RELN: variants seen among roughly 807,000 people sequenced by gnomAD.
RELN encodes reelin.
A neutral mutation model predicts 427.6 loss-of-function variants in RELN; 108 were observed. That is an observed-to-expected ratio of 0.25 (90% CI 0.22 to 0.30). The LOEUF is 0.30. Ranked by LOEUF, RELN falls within the 10% of genes least tolerant of loss-of-function variation. The pLI is 1.00. For synonymous variants in RELN, 1,524 were observed against 1,513.4 expected (o/e 1.01, Z -0.16); for missense variants, 3,715 against 4,302.8 (o/e 0.86, Z 3.82).
chr7:103,491,573 A>T (rs997562551), intron 58 of RELN, among the ~76,000 whole-genome samples: 1 of 152,146 alleles, frequency 6.6e-6, no homozygotes, highest in African/African-American at 2.4e-5. Flanking sequence ...CTTAGCCTGT[A>T]ATTCCCAGCA....
At chr7:103,699,504 AT>A (rs1308668107) in intron 9 of RELN, among the ~76,000 whole-genome samples, 1 of 152,158 alleles carries the variant, frequency 6.6e-6, no homozygotes, top group African/African-American at 2.4e-5. Flanking sequence ...TGAAAGTACC[AT>A]TTAGTGAAAA....
chr7:103,797,071 G>T (rs1740448216), intron 3 of RELN, among the ~76,000 whole-genome samples: 1 of 151,760 alleles, frequency 6.6e-6, no homozygotes. Context: ...TTTTATTTGG[G>T]AGTCATTTTA....
At chr7:103,648,717 A>C (rs1336667096) in intron 16 of RELN, among the ~76,000 whole-genome samples, 2 of 152,054 alleles carry the variant, frequency 1.3e-5, no homozygotes, top group Non-Finnish European at 2.9e-5. Context: ...ATCCAGAATT[A>C]ACAGTGAACT....
At chr7:103,689,984 A>G (rs140534521) in intron 10 of RELN, among the ~76,000 whole-genome samples, 381 of 152,260 alleles carry the variant, frequency 2.5e-3, no homozygotes, top group Admixed American at 5.1e-3. Flanking sequence ...AAAACTGAAC[A>G]TTGAGCATCC....
intron 43 of RELN, 98 bp from the exon 44 acceptor site, chr7:103,540,553 G>A (rs1195034217): frequency 4.5e-6 from 5 of 1,112,822 alleles, no homozygotes; most frequent in Non-Finnish European, 6.7e-6. Context: ...GGAACGAAAG[G>A]CCTCAATAAA....
chr7:103,670,645 T>G (rs1482123269), intron 11 of RELN, among the ~76,000 whole-genome samples: 1 of 152,048 alleles, frequency 6.6e-6, no homozygotes, highest in Non-Finnish European at 1.5e-5. Flanking sequence ...GACTTTTACT[T>G]TGCTCATTTT....
Position 103,658,690 on chromosome 7 carries a change from A to AT in RELN, c.1441+2685dup, listed in dbSNP as rs200074189. 8.8e-4 allele frequency among the ~76,000 whole-genome samples: 133 copies of AT among 151,908 alleles called. No individual in the cohort carries two copies. The South Asian group carries it at 0.011, about 13-fold the overall frequency. ...AGCCATCCTCCTCTTTCAGTGACAC[A>AT]TTTTTATTTTTATTTTTAACTCCAT... On this transcript the variant is annotated intron_variant, in intron 12 of 64. Transcript: ENST00000428762.
chr7:103,842,313 T>C (rs375752414), intron 2 of RELN, among the ~76,000 whole-genome samples: 78 of 152,196 alleles, frequency 5.1e-4, no homozygotes, highest in African/African-American at 1.7e-3. Context: ...GTTAGTGTTA[T>C]ATTGTAAATG....
At chr7:103,714,719 T>TG (rs943896363) in intron 8 of RELN, among the ~76,000 whole-genome samples, 15 of 151,982 alleles carry the variant, frequency 9.9e-5, no homozygotes, top group Non-Finnish European at 1.9e-4. Context: ...CAGGAAAAAA[T>TG]GGTTACTGTA....
intron 2 of RELN, among the ~76,000 whole-genome samples, chr7:103,869,640 G>C (rs560062976): frequency 1.3e-5 from 2 of 152,150 alleles, no homozygotes; most frequent in East Asian, 3.9e-4. Context: ...TTATTTACGT[G>C]TAAGTTATCT....
At chr7:103,743,456 A>T (rs183486760) in intron 6 of RELN, among the ~76,000 whole-genome samples, 1 of 152,330 alleles carries the variant, frequency 6.6e-6, no homozygotes, top group Admixed American at 6.5e-5. Context: ...CAATTAAAAG[A>T]CACAGACTGG....
At chr7:103,789,837 A>G (rs1256391858) in intron 3 of RELN, among the ~76,000 whole-genome samples, 1 of 152,242 alleles carries the variant, frequency 6.6e-6, no homozygotes, top group African/African-American at 2.4e-5. Context: ...TACTGGGTAT[A>G]TACCCAAAGA....
intron 2 of RELN, among the ~76,000 whole-genome samples, chr7:103,899,226 C>T (rs1428264705): frequency 6.6e-6 from 1 of 152,056 alleles, no homozygotes; most frequent in Non-Finnish European, 1.5e-5. Flanking sequence ...CAAACACCCT[C>T]CCAAGACTAA....
At chr7:103,847,165 A>T (rs757693261) in intron 2 of RELN, among the ~76,000 whole-genome samples, 16 of 152,234 alleles carry the variant, frequency 1.1e-4, no homozygotes, top group Non-Finnish European at 2.1e-4. Context: ...CCTCGGAACC[A>T]ACCCAAATGC....
At chr7:103,860,054 T>C (rs931170939) in intron 2 of RELN, among the ~76,000 whole-genome samples, 1 of 152,160 alleles carries the variant, frequency 6.6e-6, no homozygotes, top group African/African-American at 2.4e-5. Flanking sequence ...TTTATTGGCG[T>C]TAAACATGCG....
Position 103,654,527 on chromosome 7 carries a change from T to C in RELN, c.1442-322A>G, listed in dbSNP as rs141024697. On this transcript the variant is annotated intron_variant, in intron 12 of 64. Transcript: ENST00000428762. ...TAAAAAGATGTGTTCTGCTTTTTAA[T>C]AAACTGTTATTTCCTTAATTTGAGG... Among the ~76,000 whole-genome samples the C allele has an allele frequency of 2.4e-3, 363 of 152,206 alleles. 1 individual carries two copies. The highest frequency in any genetic ancestry group is 6.8e-3 in the Middle Eastern group (2 of 294).
intron 1 of RELN, among the ~76,000 whole-genome samples, chr7:103,972,919 T>TGTGTGC (rs749802741): frequency 3.3e-5 from 5 of 151,752 alleles, no homozygotes; most frequent in African/African-American, 9.7e-5. Context: ...TGTGTGTGTG[T>TGTGTGC]GCTACAAGAT....
chr7:103,894,113 A>G (rs986381277), intron 2 of RELN, among the ~76,000 whole-genome samples: 1 of 152,122 alleles, frequency 6.6e-6, no homozygotes, highest in African/African-American at 2.4e-5. Flanking sequence ...TTCCTCATGC[A>G]TTTTCTTTTA....
intron 16 of RELN, among the ~76,000 whole-genome samples, chr7:103,646,307 A>T (rs1200152896): frequency 6.6e-6 from 1 of 151,894 alleles, no homozygotes; most frequent in East Asian, 1.9e-4. Flanking sequence ...ATCAAAAAAA[A>T]TTCAAAGAAT....
Sources: gnomAD v4.1 joint callset for allele counts (sites outside exome capture counted in the v4.1 genomes callset) on GRCh38, gnomAD v4.1.1 for gene constraint, MANE v1.5 for transcripts, NCBI Gene and HGNC (gene_info 2026-07-23, HGNC 2026-07-21) for gene names.